Variants in ZNF18 observed in about 807,000 individuals in gnomAD.
The protein encoded by ZNF18 is heart development-specific gene 1 protein.
ZNF18 carries 42 observed loss-of-function variants against 58.1 expected under a neutral mutation model. The ratio of observed to expected loss-of-function variants is 0.72; its 90% CI spans 0.56 to 0.93. The LOEUF is 0.93. ZNF18 is among the 40% of genes least tolerant of loss of function. The pLI, the probability that ZNF18 is intolerant of heterozygous loss-of-function variation, is 0.00. For synonymous variants in ZNF18, 231 were observed against 239.8 expected (o/e 0.96, Z 0.34); for missense variants, 540 against 644.2 (o/e 0.84, Z 1.75).
At chr17:11,979,160 T>C (rs1967185228) in intron 6 of ZNF18, among the ~76,000 whole-genome samples, 1 of 151,710 alleles carries the variant, frequency 6.6e-6, no homozygotes, top group Non-Finnish European at 1.5e-5. Flanking sequence ...GAGAAATATA[T>C]ACAGAAGAAA....
At position 11,992,452 on chromosome 17, in the gene ZNF18, C is replaced by T; in HGVS notation, c.378G>A (p.Leu126=). The T allele has an allele frequency of 6.2e-7, 1 of 1,613,596 alleles. No individual in the cohort carries two copies. Among genetic ancestry groups the T allele is most frequent in the Non-Finnish European group, 8.5e-7 (1 of 1,179,638 alleles). Residue 126 remains leucine, a synonymous_variant, in exon 2 of 7, where the codon CTG becomes CTA. Coordinates refer to ENST00000580306, the MANE Select transcript of ZNF18 (RefSeq NM_001303281.2). The part of the protein sequence containing the change: ...VESLKGDPQR[L]WQWISIQVLG... ...AATACCCTCTGCTTACCCATTGCCA[C>T]AGTCTCTGGGGGTCCCCCTTCAAGC...
At position 11,983,380 on chromosome 17, in the gene ZNF18, A is replaced by G. The variant is rs1422010556; in HGVS notation, c.779T>C (p.Leu260Pro). The G allele has an allele frequency of 6.2e-7, 1 of 1,613,908 alleles. No individual in the cohort carries two copies. The highest frequency in any genetic ancestry group is 2.2e-5 in the East Asian group (1 of 44,878). ...TTCCCCAAATTCTATTGAATTAGTCAGGTCAGATTTGGGATGGGAAATGCC... is the reference window on the plus strand; with the variant it reads ...TTCCCCAAATTCTATTGAATTAGTCGGGTCAGATTTGGGATGGGAAATGCC... The part of the protein sequence containing the change: ...GAGISHPKSD[L>P]TNSIEFGEEL... Residue 260 changes from leucine to proline, a missense_variant, in exon 6 of 7, where the codon CTG becomes CCG. Leu to Pro is a moderately conservative substitution (Grantham distance 98, BLOSUM62 -3). Transcript: ENST00000580306.
chr17:11,992,409 GT>G, intron 2 of ZNF18, 33 bp downstream of exon 2: 1 of 1,592,394 alleles, frequency 6.3e-7, no homozygotes, highest in Non-Finnish European at 8.6e-7. Context: ...GGAGCCCTGT[GT>G]TTCACTCGCA....
At chr17:12,017,320 G>A in the ZNF18 span, among the ~76,000 whole-genome samples, 2 of 152,194 alleles carry the variant, frequency 1.3e-5, no homozygotes, top group Admixed American at 1.3e-4. Flanking sequence ...GTGCTCGAAT[G>A]ACATCCAGAA....
Position 11,984,722 on chromosome 17 carries a change from T to C in ZNF18, c.667-525A>G, listed in dbSNP as rs563638507. Among the ~76,000 whole-genome samples, 4 of 152,134 alleles carry C rather than the reference T, an allele frequency of 2.6e-5. No individual in the cohort carries two copies. The South Asian group carries it at 8.3e-4, about 32-fold the overall frequency. ...TAGAGATGGGGTTTCACCATCAGGA[T>C]GGTCTCGATCTCCTGACCTTGTGAT... On this transcript the variant is annotated intron_variant, in intron 4 of 6. Transcript: ENST00000580306.
Position 11,978,655 on chromosome 17 carries a change from C to T in ZNF18, c.952G>A (p.Glu318Lys), listed in dbSNP as rs779423242. 536 of 1,613,690 alleles carry T rather than the reference C, an allele frequency of 3.3e-4. 2 individuals carry two copies. In the Middle Eastern group the frequency reaches 9.1e-3, roughly 27 times the overall value. ...LLHASCQASG[E>K]VPSQASLRGF... ...CTCAAGGAAGCCTGAGAAGGAACCT[C>T]TCCTGAAGCTTGACAGGAAGCATGC... The change falls in exon 7 of 7, where the codon GAG becomes AAG. Residue 318 changes from glutamate (E) to lysine (K), a missense_variant. By Grantham distance (56) the Glu-to-Lys change is moderately conservative. Coordinates refer to ENST00000580306, the MANE Select transcript of ZNF18 (RefSeq NM_001303281.2).
In ZNF18 at chr17:11,978,153, A is replaced by G. The variant is rs750664018; in HGVS notation, c.1454T>C (p.Ile485Thr). The change falls in exon 7 of 7, where the codon ATC becomes ACC. Residue 485 changes from isoleucine to threonine, a missense_variant. Physicochemically the swap from Ile to Thr is moderately conservative, Grantham distance 89. Transcript: ENST00000580306. ...DFSGLRHHEK[I>T]HTGEKPYKCP... is the part of the protein sequence containing the mutation. ...TTTATAGGGTTTCTCTCCTGTGTGGATTTTCTCGTGGTGGCGCAATCCTGA... is the reference window on the plus strand; with the variant it reads ...TTTATAGGGTTTCTCTCCTGTGTGGGTTTTCTCGTGGTGGCGCAATCCTGA... 6.2e-7 allele frequency: 1 copy of G among 1,613,806 alleles called. No homozygotes were observed. Among genetic ancestry groups the G allele is most frequent in the Non-Finnish European group, 8.5e-7 (1 of 1,179,968 alleles).
At chr17:11,979,632 AT>A (rs1341245421) in intron 6 of ZNF18, among the ~76,000 whole-genome samples, 1 of 152,162 alleles carries the variant, frequency 6.6e-6, no homozygotes, top group Non-Finnish European at 1.5e-5. Flanking sequence ...TTTATAAATT[AT>A]TTTAACTATA....
chr17:11,978,385 G>T lies in ZNF18; in HGVS notation c.1222C>A (p.Pro408Thr), dbSNP rs771910345. ...GTCTTCCCACACTCCCTGCAGGTGGGGAGCTTCTGGGCCATGGGGGCTCTT... is the reference window on the plus strand; with the variant it reads ...GTCTTCCCACACTCCCTGCAGGTGGTGAGCTTCTGGGCCATGGGGGCTCTT... ...QPRAPMAQKL[P>T]TCRECGKTFY... is the part of the protein sequence containing the mutation. The change falls in exon 7 of 7, where the codon CCC (proline) becomes ACC (threonine). Residue 408 changes from proline to threonine, a missense_variant. By Grantham distance (38) the Pro-to-Thr change is conservative. Transcript: ENST00000580306. 3 of 1,550,480 alleles carry T rather than the reference G, an allele frequency of 1.9e-6. No individual in the cohort carries two copies. In the South Asian group the frequency reaches 3.8e-5, roughly 20 times the overall value.
At chr17:12,020,075 G>A in the ZNF18 span, among the ~76,000 whole-genome samples, 2 of 152,162 alleles carry the variant, frequency 1.3e-5, no homozygotes, top group Admixed American at 6.5e-5. Flanking sequence ...TTTTGGGGTT[G>A]TCATTTTATG....
At chr17:11,984,353 G>T (rs1967586401) in intron 4 of ZNF18, among the ~76,000 whole-genome samples, 156 bp from the exon 5 acceptor site, 1 of 152,264 alleles carries the variant, frequency 6.6e-6, no homozygotes, top group African/African-American at 2.4e-5. Flanking sequence ...GTGGTTCAAG[G>T]GACAAAGAGG....
chr17:12,005,693 T>C, the ZNF18 span, among the ~76,000 whole-genome samples: 1 of 152,192 alleles, frequency 6.6e-6, no homozygotes, highest in African/African-American at 2.4e-5. Context: ...AAAGATTTGC[T>C]CAAATAATGA....
At position 11,997,434 on chromosome 17, in the gene ZNF18, G is replaced by C. The variant is rs983580968; in HGVS notation, c.-86C>G. 1 of 152,248 alleles carries C rather than the reference G, an allele frequency of 6.6e-6. No homozygotes were observed. The highest frequency in any genetic ancestry group is 2.1e-4 in the South Asian group (1 of 4,838). 9.4% of individuals were successfully genotyped at this position (152,248 alleles called of 1,614,324 possible). ...ACCGCCCCGCAAGCGCGCTCACCTC[G>C]GCCCGCGGCGCCGGCTCCGGGCGCA... On this transcript the variant is annotated 5_prime_UTR_variant, in exon 1 of 7. Coordinates refer to ENST00000580306, the MANE Select transcript of ZNF18 (RefSeq NM_001303281.2).
intron 1 of ZNF18, 143 bp from the exon 2 acceptor site, chr17:11,993,054 G>A (rs1968234702): frequency 1.9e-6 from 1 of 532,704 alleles, no homozygotes; most frequent in African/African-American, 1.9e-5. Flanking sequence ...ATTCTATTTT[G>A]AAAGATTATA....
At chr17:11,979,612 A>G (rs1182028704) in intron 6 of ZNF18, among the ~76,000 whole-genome samples, 2 of 152,136 alleles carry the variant, frequency 1.3e-5, no homozygotes, top group Non-Finnish European at 2.9e-5. Flanking sequence ...TGGTGGTAGG[A>G]TTTTCAACTT....
Position 11,992,663 on chromosome 17 carries a change from T to A in ZNF18, c.167A>T (p.His56Leu). The A allele has an allele frequency of 1.2e-6, 2 of 1,614,246 alleles. No homozygotes were observed. Among genetic ancestry groups the A allele is most frequent in the Non-Finnish European group, 1.7e-6 (2 of 1,180,048 alleles). Residue 56 changes from histidine (H) to leucine (L), a missense_variant, in exon 2 of 7, where the codon CAT becomes CTT. His to Leu is a moderately conservative substitution (Grantham distance 99). Transcript: ENST00000580306. ...CTTCCGAAGTTGCTTCAAGGTCTCA[T>A]GAGGCCCAGACATCACCTGGTAACG... ...QFRYQVMSGP[H>L]ETLKQLRKLC...
chr17:12,001,088 T>C (rs1372615757), upstream of ZNF18, among the ~76,000 whole-genome samples: 1 of 152,218 alleles, frequency 6.6e-6, no homozygotes, highest in South Asian at 2.1e-4. Flanking sequence ...TGAGTAGAGA[T>C]TGATTTTTGA....
At chr17:11,982,759 GAA>G (rs1491247144) in intron 6 of ZNF18, among the ~76,000 whole-genome samples, 2 of 150,806 alleles carry the variant, frequency 1.3e-5, no homozygotes, top group African/African-American at 4.9e-5. Flanking sequence ...AGAAAGCAAA[GAA>G]TGACTATTTT....
Position 11,992,484 on chromosome 17 carries a change from C to T in ZNF18, c.346G>A (p.Val116Met), listed in dbSNP as rs1567607338. Residue 116 changes from valine (V) to methionine (M), a missense_variant, in exon 2 of 7, where the codon GTG becomes ATG. Coordinates refer to ENST00000580306, the MANE Select transcript of ZNF18 (RefSeq NM_001303281.2). ...PGSGEEAVTL[V>M]ESLKGDPQRL... is the part of the protein sequence containing the mutation. Reference sequence around the variant, plus strand: ...TGGGGGTCCCCCTTCAAGCTTTCCACAAGGGTCACTGCCTCTTCTCCACTT... The same window carrying T: ...TGGGGGTCCCCCTTCAAGCTTTCCATAAGGGTCACTGCCTCTTCTCCACTT... 6.2e-7 allele frequency: 1 copy of T among 1,614,100 alleles called. No homozygotes were observed. Among genetic ancestry groups the T allele is most frequent in the Non-Finnish European group, 8.5e-7 (1 of 1,180,038 alleles).
Sources: allele counts gnomAD v4.1 joint callset (sites outside exome capture counted in the v4.1 genomes callset), GRCh38; gene constraint gnomAD v4.1.1; transcripts MANE v1.5; gene names NCBI Gene and HGNC (gene_info 2026-07-23, HGNC 2026-07-21).